Variants in ZPBP observed in about 807,000 individuals in gnomAD.
ZPBP encodes the protein zona pellucida-binding protein 1.
Under a neutral mutation model 44.8 loss-of-function variants are expected in ZPBP, and 26 were observed. The observed-to-expected ratio is 0.58, with a 90% CI of 0.43 to 0.81. The LOEUF (loss-of-function observed/expected upper bound fraction) is 0.81, where lower values mean the gene tolerates loss of function less well. Among genes scored for constraint, ZPBP ranks in the 30% least tolerant of loss-of-function variants. ZPBP has a pLI of 0.00. For synonymous variants in ZPBP, 174 were observed against 153.2 expected (o/e 1.14, Z -1.00); for missense variants, 409 against 434.0 (o/e 0.94, Z 0.51).
chr7:50,066,261 C>CT lies in ZPBP; in HGVS notation c.335-8121dup, dbSNP rs527909643. On this transcript the variant is annotated intron_variant, in intron 3 of 7. Coordinates refer to ENST00000046087, the MANE Select transcript of ZPBP (RefSeq NM_007009.3). ...TTGGTTTGAGCTATAAGCTCTCTTTCTTTTTTTTTTTTCTCTGATTTAATA... is the reference window on the plus strand; with the variant it reads ...TTGGTTTGAGCTATAAGCTCTCTTTCTTTTTTTTTTTTTCTCTGATTTAATA... Among the ~76,000 whole-genome samples the CT allele has an allele frequency of 5.9e-3, 837 of 142,378 alleles. 27 individuals are homozygous for CT. The South Asian group carries it at 0.073, about 12-fold the overall frequency. The allele number at this position is 142,378 out of a possible 152,430, so 93.4% of individuals were successfully genotyped here.
intron 7 of ZPBP, among the ~76,000 whole-genome samples, chr7:49,981,071 A>T (rs1195885920): frequency 6.7e-6 from 1 of 149,154 alleles, no homozygotes; most frequent in African/African-American, 2.5e-5. Context: ...TAGAATACAA[A>T]TTAAACAAAG....
chr7:49,977,403 G>C (rs1403043685), intron 7 of ZPBP, among the ~76,000 whole-genome samples: 4 of 151,992 alleles, frequency 2.6e-5, no homozygotes, highest in African/African-American at 9.7e-5. Context: ...AAGGGTTCAG[G>C]GATGCAAGTC....
intron 7 of ZPBP, among the ~76,000 whole-genome samples, chr7:49,973,599 C>T (rs1796385497): frequency 6.6e-6 from 1 of 152,022 alleles, no homozygotes; most frequent in Non-Finnish European, 1.5e-5. Flanking sequence ...TGCTCAATAT[C>T]AATTAGTCAT....
At chr7:50,018,148 A>G in intron 6 of ZPBP, 92 bp downstream of exon 6, 2 of 917,162 alleles carry the variant, frequency 2.2e-6, no homozygotes, top group South Asian at 1.4e-5. Flanking sequence ...GTGGGGATTC[A>G]ACGTATTTTA....
chr7:49,916,606 G>A (rs1793739981), intron 1 of ZPBP: 1 of 152,090 alleles, frequency 6.6e-6, no homozygotes, highest in Admixed American at 6.6e-5. Flanking sequence ...CCTTTAGTTT[G>A]GGCTGTGAAA....
chr7:49,919,434 C>T (rs1433901504), intron 1 of ZPBP: 1 of 152,110 alleles, frequency 6.6e-6, no homozygotes, highest in Non-Finnish European at 1.5e-5. Context: ...TTTTCTGATA[C>T]ATAGTAGCTA....
intron 6 of ZPBP, among the ~76,000 whole-genome samples, chr7:50,008,667 GACAA>G (rs548719236): frequency 5.8e-4 from 88 of 152,138 alleles, no homozygotes; most frequent in African/African-American, 2.1e-3. Flanking sequence ...CATAAAGACA[GACAA>G]ACAGACCAAT....
At chr7:50,020,657 A>T (rs1799053125) in intron 5 of ZPBP, among the ~76,000 whole-genome samples, 6 of 152,134 alleles carry the variant, frequency 3.9e-5, no homozygotes, top group Admixed American at 3.9e-4. Context: ...TTTCTACAAG[A>T]TTAAAAAATA....
At chr7:50,087,302 G>A (rs1487830024) in intron 2 of ZPBP, among the ~76,000 whole-genome samples, 1 of 151,832 alleles carries the variant, frequency 6.6e-6, no homozygotes, top group African/African-American at 2.4e-5. Context: ...AGCAACATAA[G>A]AAAGGATTAT....
At chr7:50,061,031 C>T (rs1299713069) in intron 3 of ZPBP, among the ~76,000 whole-genome samples, 2 of 152,146 alleles carry the variant, frequency 1.3e-5, no homozygotes, top group Non-Finnish European at 2.9e-5. Flanking sequence ...AAATTTGATT[C>T]ATCACAGAAA....
chr7:49,896,204 G>T (rs1265913979), intron 2 of ZPBP, among the ~76,000 whole-genome samples: 1 of 152,104 alleles, frequency 6.6e-6, no homozygotes, highest in Non-Finnish European at 1.5e-5. Context: ...AGTCAGGTTT[G>T]GTGGTGCATG....
At chr7:49,926,706 T>C (rs1042265959) in intron 1 of ZPBP, among the ~76,000 whole-genome samples, 2 of 152,022 alleles carry the variant, frequency 1.3e-5, no homozygotes, top group African/African-American at 2.4e-5. Context: ...GTCACAAAAA[T>C]AGGATTAGAC....
intron 3 of ZPBP, among the ~76,000 whole-genome samples, chr7:50,065,613 G>A (rs1207253546): frequency 6.6e-6 from 1 of 150,676 alleles, no homozygotes; most frequent in Non-Finnish European, 1.5e-5. Context: ...TGATCTTGTG[G>A]CATTAATTTT....
chr7:49,854,574 T>C (rs1431119090), intron 2 of ZPBP, among the ~76,000 whole-genome samples: 1 of 152,248 alleles, frequency 6.6e-6, no homozygotes, highest in Non-Finnish European at 1.5e-5. Flanking sequence ...GTTTTTGTCT[T>C]GTAAATTTGT....
intron 2 of ZPBP, among the ~76,000 whole-genome samples, chr7:49,873,898 T>C (rs1182556054): frequency 1.0e-5 from 1 of 98,720 alleles, no homozygotes; most frequent in Non-Finnish European, 2.1e-5. Flanking sequence ...TCAAAACATA[T>C]AATTAAGTAA....
downstream of ZPBP, among the ~76,000 whole-genome samples, chr7:49,846,556 A>T (rs563590012): frequency 3.9e-5 from 6 of 152,258 alleles, no homozygotes; most frequent in South Asian, 1.2e-3. Flanking sequence ...AAGGCTTATC[A>T]CTGTAGAAAG....
At chr7:49,864,262 AAAG>A (rs1790789539) in intron 2 of ZPBP, among the ~76,000 whole-genome samples, 1 of 151,596 alleles carries the variant, frequency 6.6e-6, no homozygotes, top group Admixed American at 6.6e-5. Flanking sequence ...GAAAGAAGAC[AAAG>A]AAGGAGGGAG....
chr7:50,040,023 C>A (rs1799993797), intron 4 of ZPBP, among the ~76,000 whole-genome samples: 1 of 151,928 alleles, frequency 6.6e-6, no homozygotes, highest in African/African-American at 2.4e-5. Flanking sequence ...AATGAAAATA[C>A]TACATTAGAA....
At chr7:50,014,097 C>T (rs1798703267) in intron 6 of ZPBP, among the ~76,000 whole-genome samples, 1 of 151,960 alleles carries the variant, frequency 6.6e-6, no homozygotes, top group Non-Finnish European at 1.5e-5. Context: ...TCCAAATAAT[C>T]ATATATATTA....
Sources: allele counts gnomAD v4.1 joint callset (sites outside exome capture counted in the v4.1 genomes callset), GRCh38; gene constraint gnomAD v4.1.1; transcripts MANE v1.5; gene names NCBI Gene and HGNC (gene_info 2026-07-23, HGNC 2026-07-21).